The following FBN2 variants were observed in gnomAD, a reference collection of about 807,000 sequenced individuals.
FBN2 encodes the protein fibrillin-2.
FBN2 carries 105 observed loss-of-function variants against 355.6 expected under a neutral mutation model. The observed-to-expected ratio is 0.30, with a 90% confidence interval of 0.25 to 0.35. The LOEUF (loss-of-function observed/expected upper bound fraction) is 0.35. Among genes scored for constraint, FBN2 ranks in the 10% least tolerant of loss-of-function variants. The probability of loss-of-function intolerance (pLI) is 1.00; values close to 1 mark genes in which losing one functional copy is unlikely to be tolerated. For synonymous variants in FBN2, 1,350 were observed against 1,301.2 expected (o/e 1.04, Z -0.81); for missense variants, 3,280 against 3,758.7 (o/e 0.87, Z 3.33).
chr5:128,464,668 A>G, intron 6 of FBN2, 56 bp downstream of exon 6: 1 of 1,583,616 alleles, frequency 6.3e-7, no homozygotes, highest in Non-Finnish European at 8.6e-7. Flanking sequence ...TCCAACTCCA[A>G]CAAAAAGAGA....
chr5:128,476,195 A>G (rs1561475252), intron 5 of FBN2, among the ~76,000 whole-genome samples: 1 of 152,202 alleles, frequency 6.6e-6, no homozygotes, highest in East Asian at 1.9e-4. Context: ...ACTGAAGTAT[A>G]ATTGATTAAA....
chr5:128,516,040 G>C (rs1200302932), intron 5 of FBN2, among the ~76,000 whole-genome samples: 1 of 152,068 alleles, frequency 6.6e-6, no homozygotes, highest in African/African-American at 2.4e-5. Context: ...GTTGAAAGAA[G>C]GACTCTAGAC....
chr5:128,266,626 C>G (rs1054525029), intron 62 of FBN2, among the ~76,000 whole-genome samples: 6 of 152,134 alleles, frequency 3.9e-5, no homozygotes, highest in Non-Finnish European at 8.8e-5. Context: ...CTTCAGGAAA[C>G]TGAAACACTT....
At chr5:128,490,831 T>G (rs1205982342) in intron 5 of FBN2, among the ~76,000 whole-genome samples, 1 of 152,190 alleles carries the variant, frequency 6.6e-6, no homozygotes, top group Non-Finnish European at 1.5e-5. Context: ...GAACAATAAA[T>G]AGTAAAATTT....
chr5:128,344,573 T>C, intron 24 of FBN2, 63 bp from the exon 25 acceptor site: 1 of 1,546,200 alleles, frequency 6.5e-7, no homozygotes, highest in Non-Finnish European at 8.9e-7. Context: ...TCCATCACTT[T>C]AAGTTAAAAA....
At chr5:128,379,681 A>T (rs1164411808) in intron 11 of FBN2, among the ~76,000 whole-genome samples, 1 of 152,116 alleles carries the variant, frequency 6.6e-6, no homozygotes, top group East Asian at 1.9e-4. Flanking sequence ...TGACAGACTG[A>T]ACAGTCTGGA....
At chr5:128,327,953 T>G (rs1183107981) in intron 34 of FBN2, 1 of 152,398 alleles carries the variant, frequency 6.6e-6, no homozygotes, top group East Asian at 1.9e-4. Context: ...TGAGTTTTTT[T>G]AAAGGTTTTC....
At chr5:128,299,428 C>G (rs1749645490) in intron 48 of FBN2, among the ~76,000 whole-genome samples, 1 of 140,710 alleles carries the variant, frequency 7.1e-6, no homozygotes, top group Non-Finnish European at 1.5e-5. Flanking sequence ...GCCCCTCCCC[C>G]AGCCTCACAG....
At position 128,259,573 on chromosome 5, in the gene FBN2, C is replaced by T. The variant is rs1470699372; in HGVS notation, c.8621G>A (p.Ser2874Asn). 6.2e-7 allele frequency: 1 copy of T among 1,614,078 alleles called. No homozygotes were observed. Among genetic ancestry groups the T allele is most frequent in the Non-Finnish European group, 8.5e-7 (1 of 1,180,002 alleles). Reference sequence around the variant, plus strand: ...CTCCTTCTTCTTGTAGAGAGGGATGCTAGTGATTTCCAGTGTGTATGTGCC... The same window carrying T: ...CTCCTTCTTCTTGTAGAGAGGGATGTTAGTGATTTCCAGTGTGTATGTGCC... ...MPGTYTLEIT[S>N]IPLYKKKELK... Residue 2874 changes from serine to asparagine, a missense_variant, in exon 65 of 65, where the codon AGC becomes AAC. Ser to Asn is a conservative substitution (Grantham distance 46). Coordinates refer to ENST00000262464, the MANE Select transcript of FBN2 (RefSeq NM_001999.4).
At chr5:128,334,698 G>C (rs1243544288) in intron 31 of FBN2, 21 bp downstream of exon 31, 5 of 1,613,684 alleles carry the variant, frequency 3.1e-6, no homozygotes, top group Non-Finnish European at 4.2e-6. Context: ...GAAATACAGA[G>C]AACACAAGCT....
intron 5 of FBN2, among the ~76,000 whole-genome samples, chr5:128,476,985 G>C (rs1755020494): frequency 6.6e-6 from 1 of 152,142 alleles, no homozygotes; most frequent in Non-Finnish European, 1.5e-5. Context: ...TTTTCAAAAA[G>C]CATCAATAAC....
chr5:128,456,947 T>A (rs992839059), intron 6 of FBN2, among the ~76,000 whole-genome samples: 3 of 152,004 alleles, frequency 2.0e-5, no homozygotes, highest in African/African-American at 7.3e-5. Flanking sequence ...AAACGAAGGA[T>A]CAGATGGATG....
rs149068555 is a variant in FBN2, at chr5:128,500,430, CTTTTTTTTTTTTT to C, written c.628+18830_628+18842del. Among the ~76,000 whole-genome samples, 29 of 51,180 alleles carry C rather than the reference CTTTTTTTTTTTTT, an allele frequency of 5.7e-4. 1 individual carries two copies. In the South Asian group the frequency reaches 8.4e-3, roughly 15 times the overall value. The allele number at this position is 51,180 out of a possible 152,430, so 33.6% of individuals were successfully genotyped here. Reference sequence around the variant, plus strand: ...TGAAAATGATGAGACTCTGACAATTCTTTTTTTTTTTTTTTTTTTTTTTTTTTTTTCAGACAGG... The same window carrying C: ...TGAAAATGATGAGACTCTGACAATTCTTTTTTTTTTTTTTTTTCAGACAGG... On this transcript the variant is annotated intron_variant, in intron 5 of 64. Transcript: ENST00000262464.
At chr5:128,263,695 A>G (rs780062897) in intron 62 of FBN2, 39 bp from the exon 63 acceptor site, 1 of 1,508,920 alleles carries the variant, frequency 6.6e-7, no homozygotes, top group South Asian at 1.2e-5. Flanking sequence ...ACGGGGAAGC[A>G]GGCAAGAGCA....
At position 128,399,967 on chromosome 5, in the gene FBN2, T is replaced by C. The variant is rs534871668; in HGVS notation, c.1079-4693A>G. ...GGACTATGGTAAAAATAAAAACAAATATATCAGTAATATAATAAATACACA... is the reference window on the plus strand; with the variant it reads ...GGACTATGGTAAAAATAAAAACAAACATATCAGTAATATAATAAATACACA... On this transcript the variant is annotated intron_variant, in intron 8 of 64. Transcript: ENST00000262464. Among the ~76,000 whole-genome samples the C allele has an allele frequency of 1.2e-3, 177 of 151,912 alleles. 1 individual carries two copies. The highest frequency in any genetic ancestry group is 2.0e-3 in the Non-Finnish European group (133 of 67,916).
intron 34 of FBN2, among the ~76,000 whole-genome samples, chr5:128,325,078 A>G (rs1355960645): frequency 6.6e-6 from 1 of 152,152 alleles, no homozygotes; most frequent in Non-Finnish European, 1.5e-5. Flanking sequence ...AGAAGAATGT[A>G]TATTTTGTTG....
Position 128,273,906 on chromosome 5 carries a change from G to C in FBN2, c.7774C>G (p.Pro2592Ala). The C allele has an allele frequency of 6.2e-7, 1 of 1,613,784 alleles. No homozygotes were observed. Among genetic ancestry groups the C allele is most frequent in the Non-Finnish European group, 8.5e-7 (1 of 1,179,754 alleles). ...CGAKGICQNTPGSFSCECQRG... is the reference protein window; with the variant it reads ...CGAKGICQNTAGSFSCECQRG... ...TGGCATTCACAGCTGAAACTGCCTG[G>C]AGTGTTTTGACAGATTCCCTTTGCT... Residue 2592 changes from proline to alanine, a missense_variant, in exon 61 of 65, where the codon CCA (proline) becomes GCA (alanine). Around this residue, in one of 6 missense-constraint regions of FBN2, gnomAD observed 2,284 missense variants for 2,749.5 expected, o/e 0.83. Transcript: ENST00000262464.
chr5:128,324,623 T>G (rs507883), intron 34 of FBN2, among the ~76,000 whole-genome samples: 3 of 150,904 alleles, frequency 2.0e-5, no homozygotes, highest in Non-Finnish European at 4.4e-5. Flanking sequence ...CTTTTTCTTT[T>G]TTTTTTTTTT....
chr5:128,291,578 G>A lies in FBN2; in HGVS notation c.6243C>T (p.Cys2081=). Residue 2081 remains cysteine, a synonymous_variant, in exon 49 of 65, where the codon TGC becomes TGT. Transcript: ENST00000262464. ...ATAGTACAAAGCCAGGGGGGCAGAG[G>A]CACTGGAAGCCCCCTGGAGTATTAG... The part of the protein sequence containing the change: ...SCTNTPGGFQ[C]LCPPGFVLSD... 1 of 1,613,716 alleles carries A rather than the reference G, an allele frequency of 6.2e-7. No individual in the cohort carries two copies. Among genetic ancestry groups the A allele is most frequent in the Non-Finnish European group, 8.5e-7 (1 of 1,179,670 alleles).
Sources: allele counts gnomAD v4.1 joint callset (sites outside exome capture counted in the v4.1 genomes callset), GRCh38; gene constraint gnomAD v4.1.1; regional missense constraint gnomAD v4.1.1; transcripts MANE v1.5; gene names NCBI Gene and HGNC (gene_info 2026-07-23, HGNC 2026-07-21).